The following KIF6 variants were observed in gnomAD, a reference collection of about 807,000 sequenced individuals.
The protein encoded by KIF6 is kinesin family member 6.
In KIF6, 106 loss-of-function variants were observed where a neutral mutation model predicts 112.7. The ratio of observed to expected loss-of-function variants is 0.94; its 90% CI spans 0.80 to 1.11. The LOEUF (loss-of-function observed/expected upper bound fraction) is 1.11, where lower values mean the gene tolerates loss of function less well. KIF6 is among the 50% of genes least tolerant of loss of function. The pLI is 0.00. For synonymous variants in KIF6, 339 were observed against 339.9 expected, an observed-to-expected ratio of 1.00 and a Z score of 0.03; for missense variants, 929 against 964.0, an observed-to-expected ratio of 0.96 and a Z score of 0.48.
At chr6:39,650,421 T>C (rs1785410154) in intron 3 of KIF6, among the ~76,000 whole-genome samples, 2 of 152,142 alleles carry the variant, frequency 1.3e-5, no homozygotes, top group South Asian at 2.1e-4. Flanking sequence ...TCTAAATGTT[T>C]CAGTTTGAAG....
intron 15 of KIF6, among the ~76,000 whole-genome samples, chr6:39,391,988 G>T (rs974703072): frequency 5.9e-5 from 9 of 151,772 alleles, no homozygotes; most frequent in Non-Finnish European, 1.3e-4. Context: ...CATGTATTTT[G>T]GCCCTGATAC....
Position 39,335,650 on chromosome 6 carries a change from C to T in KIF6, c.*882G>A, listed in dbSNP as rs1045031453. 2 of 152,070 alleles carry T rather than the reference C, an allele frequency of 1.3e-5. No homozygotes were observed. The highest frequency in any genetic ancestry group is 6.5e-5 in the Admixed American group (1 of 15,276). The allele number at this position is 152,070 out of a possible 1,614,324, so 9.4% of individuals were successfully genotyped here. A position where few individuals can be genotyped will look rare whatever the true frequency, so the allele number is the denominator to read the frequency against. On this transcript the variant is annotated 3_prime_UTR_variant, in exon 23 of 23. Coordinates refer to ENST00000287152, the MANE Select transcript of KIF6 (RefSeq NM_145027.6). ...CCCCCTGGCCCAGGGGGCAGTTCTT[C>T]AAGAACCTCCTTGAGGGCTGCCCAC...
chr6:39,598,384 A>C (rs1782393170), intron 6 of KIF6, among the ~76,000 whole-genome samples: 1 of 152,184 alleles, frequency 6.6e-6, no homozygotes, highest in Non-Finnish European at 1.5e-5. Context: ...ATAAAGTCTA[A>C]CAAAATAAGT....
chr6:39,533,814 A>G (rs886315726), intron 13 of KIF6, among the ~76,000 whole-genome samples: 2 of 152,112 alleles, frequency 1.3e-5, no homozygotes, highest in African/African-American at 4.8e-5. Flanking sequence ...GCACCCCCCA[A>G]TAGGGGCAGA....
chr6:39,710,984 G>C (rs1386209441), intron 3 of KIF6, among the ~76,000 whole-genome samples: 1 of 151,524 alleles, frequency 6.6e-6, no homozygotes, highest in Non-Finnish European at 1.5e-5. Flanking sequence ...CTGTGATCAT[G>C]CCACTGCACT....
At chr6:39,668,229 A>G (rs951175553) in intron 3 of KIF6, among the ~76,000 whole-genome samples, 2 of 150,738 alleles carry the variant, frequency 1.3e-5, no homozygotes, top group Non-Finnish European at 3.0e-5. Context: ...ACAGACTAAC[A>G]CATGTCTTTC....
At chr6:39,714,805 C>T in intron 2 of KIF6, 39 bp from the exon 3 acceptor site, 1 of 1,231,028 alleles carries the variant, frequency 8.1e-7, no homozygotes, top group Non-Finnish European at 1.2e-6. Context: ...AAAGCTGCAC[C>T]TCCAAACACT....
rs968103777 is a variant in KIF6 at position 39,422,850 on chromosome 6, T to C, written c.1755-2847A>G. Among the ~76,000 whole-genome samples, 15 of 152,278 alleles carry C rather than the reference T, an allele frequency of 9.9e-5. No individual in the cohort carries two copies. The East Asian group carries it at 2.9e-3, about 29-fold the overall frequency. On this transcript the variant is annotated intron_variant, in intron 14 of 22. Transcript: ENST00000287152. ...CCAGGGGGAGTTTCCTGCCTCCTGA[T>C]TATCTAAAAGGCGCATCCTCATCCA...
At chr6:39,675,145 C>T (rs958107270) in intron 3 of KIF6, among the ~76,000 whole-genome samples, 6 of 151,838 alleles carry the variant, frequency 4.0e-5, no homozygotes, top group African/African-American at 7.3e-5. Context: ...AAATGAAAAT[C>T]GAAATAAAAG....
intron 15 of KIF6, among the ~76,000 whole-genome samples, chr6:39,401,113 G>A (rs188739734): frequency 6.6e-6 from 1 of 152,232 alleles, no homozygotes; most frequent in African/African-American, 2.4e-5. Context: ...GAAGAGATAA[G>A]TATCTGAATG....
chr6:39,574,849 T>C lies in KIF6; in HGVS notation c.1181+3207A>G, dbSNP rs572165498. Among the ~76,000 whole-genome samples, 14 of 152,320 alleles carry C rather than the reference T, an allele frequency of 9.2e-5. No homozygotes were observed. The South Asian group carries it at 2.9e-3, about 32-fold the overall frequency. ...CCTTTCTCTTTATCCTTTTATCTCA[T>C]ATTCTGGAAGAAATCCTTAGCCCTG... On this transcript the variant is annotated intron_variant, in intron 10 of 22. Transcript: ENST00000287152.
chr6:39,345,857 A>G lies in KIF6; in HGVS notation c.2232-68T>C, dbSNP rs140868440. 7.5e-4 allele frequency: 867 copies of G among 1,152,936 alleles called. 8 individuals carry two copies. The highest frequency in any genetic ancestry group is 2.9e-4 in the Non-Finnish European group (224 of 780,662). The allele number at this position is 1,152,936 out of a possible 1,614,324, so 71.4% of individuals were successfully genotyped here. A position where few individuals can be genotyped will look rare whatever the true frequency, so the allele number is the denominator to read the frequency against. ...ATTTATAGAAGGAAATTCAGGGTTT[A>G]TATCTAGGAGCTGTTATGGACTGAA... On this transcript the variant is annotated intron_variant, in intron 20 of 22. Coordinates refer to ENST00000287152, the MANE Select transcript of KIF6 (RefSeq NM_145027.6).
chr6:39,412,107 T>C (rs995788860), intron 15 of KIF6, among the ~76,000 whole-genome samples: 2 of 152,192 alleles, frequency 1.3e-5, no homozygotes, highest in African/African-American at 4.8e-5. Context: ...AATCATTGCT[T>C]CCTTCTCTAT....
At chr6:39,690,148 C>T (rs952751862) in intron 3 of KIF6, 5 of 152,056 alleles carry the variant, frequency 3.3e-5, no homozygotes, top group Admixed American at 2.0e-4. Context: ...GTAACATTTA[C>T]TAATACAGTG....
In KIF6 at chr6:39,330,036, CT is replaced by C. The variant is rs1399742700; in HGVS notation, c.*6495del. 6.6e-6 allele frequency: 1 copy of C among 152,190 alleles called. No individual in the cohort carries two copies. Among genetic ancestry groups the C allele is most frequent in the African/African-American group, 2.4e-5 (1 of 41,422 alleles). The allele number at this position is 152,190 out of a possible 1,614,324, so 9.4% of individuals were successfully genotyped here. ...TGTCTAATTGGTTCACATGACGATT[CT>C]TTGTCCTATGATGTTAAGAGTCCAT... On this transcript the variant is annotated 3_prime_UTR_variant, in exon 23 of 23. Transcript: ENST00000287152.
At chr6:39,709,633 G>A (rs1258744801) in intron 3 of KIF6, among the ~76,000 whole-genome samples, 3 of 152,188 alleles carry the variant, frequency 2.0e-5, no homozygotes, top group African/African-American at 7.2e-5. Context: ...GTCTAAATTG[G>A]TGAGATTCCT....
chr6:39,712,929 T>C (rs1218034770), intron 3 of KIF6, among the ~76,000 whole-genome samples: 2 of 152,202 alleles, frequency 1.3e-5, no homozygotes, highest in African/African-American at 4.8e-5. Flanking sequence ...TGCGCACATG[T>C]ACCCTAGAAC....
In KIF6 at chr6:39,586,376, C is replaced by T. The variant is rs779071066; in HGVS notation, c.875G>A (p.Arg292His). The change falls in exon 8 of 23, where the codon CGT becomes CAT. Residue 292 changes from arginine (R) to histidine (H), a missense_variant. By Grantham distance (29) the Arg-to-His change is conservative. This residue lies in a region of KIF6 where 688 missense variants were observed against 662.7 expected (regional missense o/e 1.04). Coordinates refer to ENST00000287152, the MANE Select transcript of KIF6 (RefSeq NM_145027.6). ...QVIIALSEKHRSHIPYRNSMM... is the reference protein window; with the variant it reads ...QVIIALSEKHHSHIPYRNSMM... ...GGAGTTTCTATAAGGAATGTGCGAACGGTGCTTTTCTGAAAGGGCAATGAT... is the reference window on the plus strand; with the variant it reads ...GGAGTTTCTATAAGGAATGTGCGAATGGTGCTTTTCTGAAAGGGCAATGAT... 7.4e-6 allele frequency: 12 copies of T among 1,613,952 alleles called. No homozygotes were observed. The highest frequency in any genetic ancestry group is 3.3e-5 in the South Asian group (3 of 91,058).
chr6:39,471,997 C>T (rs1007774961), intron 13 of KIF6, among the ~76,000 whole-genome samples: 6 of 152,222 alleles, frequency 3.9e-5, no homozygotes, highest in African/African-American at 9.6e-5. Context: ...AAGAGCACCA[C>T]GTCCTCATGC....
Sources: allele counts gnomAD v4.1 joint callset (sites outside exome capture counted in the v4.1 genomes callset), GRCh38; gene constraint gnomAD v4.1.1; regional missense constraint gnomAD v4.1.1; transcripts MANE v1.5; gene names NCBI Gene and HGNC (gene_info 2026-07-23, HGNC 2026-07-21).